Variants in CACNA2D1 observed in about 807,000 individuals in gnomAD.
The protein encoded by CACNA2D1 is voltage-dependent calcium channel subunit alpha-2/delta-1.
Under a neutral mutation model 171.5 loss-of-function variants are expected in CACNA2D1, and 53 were observed. That is an observed-to-expected ratio of 0.31 (90% confidence interval 0.25 to 0.39). The LOEUF (loss-of-function observed/expected upper bound fraction) is 0.39, where lower values mean the gene tolerates loss of function less well. Ranked by LOEUF, CACNA2D1 falls within the 10% of genes least tolerant of loss-of-function variation. CACNA2D1 has a pLI of 1.00. For synonymous variants in CACNA2D1, 442 were observed against 443.1 expected (o/e 1.00, Z 0.03); for missense variants, 903 against 1,299.8 (o/e 0.69, Z 4.69).
intron 3 of CACNA2D1, among the ~76,000 whole-genome samples, chr7:82,192,283 T>C (rs997172123): frequency 1.3e-5 from 2 of 151,742 alleles, no homozygotes; most frequent in African/African-American, 2.4e-5. Context: ...GTGCCAAGCA[T>C]TGTATTAGGT....
chr7:82,005,729 C>T (rs752202985), intron 17 of CACNA2D1, 36 bp downstream of exon 17: 35 of 1,366,080 alleles, frequency 2.6e-5, no homozygotes, highest in Non-Finnish European at 8.4e-6. Context: ...GAGTTCTAAA[C>T]TAGAAAGGGT....
rs79185638 is a variant in CACNA2D1 at position 82,390,239 on chromosome 7, A to G, written c.96-40590T>C. ...CTTCCTCTAACAGAAAGTGGAGTCA[A>G]TAACGTATCTGTGTTCAAACCTTTG... On this transcript the variant is annotated intron_variant, in intron 1 of 38. Transcript: ENST00000356860. 5.2e-3 allele frequency among the ~76,000 whole-genome samples: 786 copies of G among 152,326 alleles called. 10 individuals are homozygous for G. Among genetic ancestry groups the G allele is most frequent in the African/African-American group, 0.018 (759 of 41,582 alleles).
intron 15 of CACNA2D1, among the ~76,000 whole-genome samples, chr7:82,009,905 C>G (rs1326376538): frequency 1.3e-5 from 2 of 151,978 alleles, no homozygotes; most frequent in South Asian, 2.1e-4. Context: ...TTATAAAGAG[C>G]TTCACTTTGT....
At position 81,964,195 on chromosome 7, in the gene CACNA2D1, G is replaced by C. The variant is rs765175609; in HGVS notation, c.2727+12C>G. ...CCCCTTGAGAATTGATTAGACCGTG[G>C]ATATTACTGACCACATATGCTGAGC... On this transcript the variant is annotated intron_variant, in intron 33 of 38. Transcript: ENST00000356860. 1.2e-5 allele frequency: 20 copies of C among 1,612,634 alleles called. No individual in the cohort carries two copies. In the African/African-American group the frequency reaches 2.4e-4, roughly 19 times the overall value.
At chr7:82,441,573 A>T (rs190834074) in intron 1 of CACNA2D1, among the ~76,000 whole-genome samples, 1 of 152,148 alleles carries the variant, frequency 6.6e-6, no homozygotes, top group East Asian at 1.9e-4. Flanking sequence ...TTAGGAAAGC[A>T]TTATTGCAGA....
At chr7:82,270,769 A>G (rs1808519042) in intron 3 of CACNA2D1, among the ~76,000 whole-genome samples, 1 of 152,118 alleles carries the variant, frequency 6.6e-6, no homozygotes, top group South Asian at 2.1e-4. Flanking sequence ...AAATTTCTAC[A>G]CAGACTCTTT....
At chr7:82,139,834 G>C (rs1049498597) in intron 4 of CACNA2D1, among the ~76,000 whole-genome samples, 1 of 150,738 alleles carries the variant, frequency 6.6e-6, no homozygotes, top group African/African-American at 2.4e-5. Context: ...GCCCAGGCTG[G>C]AGTGCAATGG....
intron 4 of CACNA2D1, among the ~76,000 whole-genome samples, chr7:82,160,310 T>C (rs1326948284): frequency 6.6e-6 from 1 of 151,750 alleles, no homozygotes; most frequent in African/African-American, 2.4e-5. Flanking sequence ...TTGGTCAACA[T>C]ACTTAACAAA....
chr7:82,059,509 A>G (rs1448659183), intron 10 of CACNA2D1, among the ~76,000 whole-genome samples: 1 of 152,140 alleles, frequency 6.6e-6, no homozygotes, highest in Non-Finnish European at 1.5e-5. Flanking sequence ...ATATAATCAT[A>G]CTGCCAAGTT....
intron 7 of CACNA2D1, among the ~76,000 whole-genome samples, chr7:82,084,445 G>A (rs572438151): frequency 2.6e-5 from 4 of 152,260 alleles, no homozygotes; most frequent in South Asian, 4.1e-4. Flanking sequence ...CTTGGTGCAT[G>A]CTGAGCAGTT....
chr7:82,251,244 T>C (rs1266708589), intron 3 of CACNA2D1, among the ~76,000 whole-genome samples: 2 of 152,166 alleles, frequency 1.3e-5, no homozygotes, highest in Admixed American at 6.5e-5. Context: ...TGTAAAATGA[T>C]CAATTCACTA....
At chr7:82,310,263 C>A (rs1046961052) in intron 3 of CACNA2D1, among the ~76,000 whole-genome samples, 1 of 151,494 alleles carries the variant, frequency 6.6e-6, no homozygotes, top group African/African-American at 2.4e-5. Flanking sequence ...TTAAATAATT[C>A]TATATGCAAT....
At chr7:82,246,674 T>A (rs1804962399) in intron 3 of CACNA2D1, among the ~76,000 whole-genome samples, 1 of 152,092 alleles carries the variant, frequency 6.6e-6, no homozygotes, top group Non-Finnish European at 1.5e-5. Context: ...CTATAGAAGT[T>A]CACCCAATAG....
chr7:82,314,291 G>C (rs1651787771), intron 3 of CACNA2D1, among the ~76,000 whole-genome samples: 2 of 152,084 alleles, frequency 1.3e-5, no homozygotes, highest in South Asian at 4.1e-4. Context: ...AGTTTTTATA[G>C]ACACTAAAGG....
intron 10 of CACNA2D1, among the ~76,000 whole-genome samples, chr7:82,044,566 C>T (rs1160414889): frequency 1.3e-5 from 2 of 151,962 alleles, no homozygotes; most frequent in Non-Finnish European, 2.9e-5. Context: ...TGATGGATAA[C>T]ATACACAACA....
At chr7:82,058,569 G>A (rs1257804433) in intron 10 of CACNA2D1, among the ~76,000 whole-genome samples, 3 of 152,136 alleles carry the variant, frequency 2.0e-5, no homozygotes, top group Non-Finnish European at 4.4e-5. Context: ...GAAATACGTA[G>A]TGAGCTGACA....
intron 10 of CACNA2D1, chr7:82,050,450 G>A (rs374661857): frequency 8.1e-6 from 5 of 618,554 alleles, no homozygotes; most frequent in East Asian, 2.8e-5. Context: ...GACAGCCAGG[G>A]GTCACCTGCA....
intron 1 of CACNA2D1, among the ~76,000 whole-genome samples, chr7:82,360,673 T>C (rs1231489146): frequency 6.6e-6 from 1 of 152,204 alleles, no homozygotes; most frequent in Non-Finnish European, 1.5e-5. Flanking sequence ...ATTAAGTCCT[T>C]CAATATGCAT....
chr7:82,315,373 T>C (rs1814992890), intron 3 of CACNA2D1, among the ~76,000 whole-genome samples: 1 of 151,568 alleles, frequency 6.6e-6, no homozygotes, highest in South Asian at 2.1e-4. Flanking sequence ...TGTACAAAGA[T>C]GGAAAGAAAT....
Sources: gnomAD v4.1 joint callset for allele counts (sites outside exome capture counted in the v4.1 genomes callset) on GRCh38, gnomAD v4.1.1 for gene constraint, MANE v1.5 for transcripts, NCBI Gene and HGNC (gene_info 2026-07-23, HGNC 2026-07-21) for gene names.